MEGF11: variants seen among roughly 807,000 people sequenced by gnomAD.
MEGF11 encodes the protein multiple epidermal growth factor-like domains protein 11.
MEGF11 carries 126 observed loss-of-function variants against 146.6 expected under a neutral mutation model. That is an observed-to-expected ratio of 0.86 (90% CI 0.74 to 1.00). The LOEUF is 1.00. Among genes scored for constraint, MEGF11 ranks in the 50% least tolerant of loss-of-function variants. The pLI, the probability that MEGF11 is intolerant of heterozygous loss-of-function variation, is 0.00. For missense variants in MEGF11, 1,509 were observed against 1,521.2 expected (o/e 0.99, Z 0.13); for synonymous variants, 532 against 583.4 (o/e 0.91, Z 1.27).
intron 4 of MEGF11, among the ~76,000 whole-genome samples, chr15:66,095,193 C>T (rs901678099): frequency 2.0e-5 from 3 of 152,242 alleles, no homozygotes; most frequent in Non-Finnish European, 4.4e-5. Flanking sequence ...CAGTTTGCCT[C>T]AACCACTCTG....
chr15:65,934,539 C>G (rs1395646182), intron 10 of MEGF11, among the ~76,000 whole-genome samples: 1 of 152,102 alleles, frequency 6.6e-6, no homozygotes, highest in Non-Finnish European at 1.5e-5. Flanking sequence ...GTGTGAGCCA[C>G]TGCACCTGGC....
chr15:65,971,762 T>C (rs333559), intron 7 of MEGF11, among the ~76,000 whole-genome samples: 115,691 of 152,032 alleles, frequency 0.76, 44,848 homozygotes, highest in Middle Eastern at 0.86. Flanking sequence ...CTGTAAAACA[T>C]GAACAGATGG....
intron 4 of MEGF11, among the ~76,000 whole-genome samples, chr15:66,117,143 G>A (rs527468739): frequency 6.6e-6 from 1 of 152,304 alleles, no homozygotes; most frequent in Admixed American, 6.5e-5. Flanking sequence ...CATGTGGCAG[G>A]TGCTGGGAAG....
rs569762549 is a variant in MEGF11, at chr15:66,027,421, A to G, written c.395-44933T>C. On this transcript the variant is annotated intron_variant, in intron 5 of 25. Transcript: ENST00000395614. ...CATCCCTCACAGACAGGGGCCTATG[A>G]TAAGGCAGGGCCACCTGAAACTCAT... Among the ~76,000 whole-genome samples, 12 of 152,356 alleles carry G rather than the reference A, an allele frequency of 7.9e-5. No individual in the cohort carries two copies. In the South Asian group the frequency reaches 2.3e-3, roughly 29 times the overall value.
intron 1 of MEGF11, among the ~76,000 whole-genome samples, chr15:66,201,343 G>A (rs1409442366): frequency 1.1e-4 from 16 of 152,114 alleles, no homozygotes; most frequent in Non-Finnish European, 2.4e-4. Flanking sequence ...TGGAGAGGCT[G>A]TTTCGAGGCT....
chr15:66,035,994 G>A (rs758471511), intron 5 of MEGF11, among the ~76,000 whole-genome samples: 4 of 152,188 alleles, frequency 2.6e-5, no homozygotes, highest in Non-Finnish European at 5.9e-5. Context: ...AGAGCACCCC[G>A]CCAGTGGCCC....
rs138621628 is a variant in MEGF11, at chr15:66,146,728, G to A, written c.-8-18317C>T. 2.3e-3 allele frequency among the ~76,000 whole-genome samples: 353 copies of A among 152,370 alleles called. 2 individuals are homozygous for A. Among genetic ancestry groups the A allele is most frequent in the African/African-American group, 8.2e-3 (339 of 41,594 alleles). ...TCTCACTGTGGACAGCGGCCTGTGC[G>A]CTGGCATCAGTCCACGGAGGCACAC... On this transcript the variant is annotated intron_variant, in intron 1 of 25. Transcript: ENST00000395614.
chr15:66,019,751 T>TA (rs2083038298), intron 5 of MEGF11, among the ~76,000 whole-genome samples: 1 of 152,252 alleles, frequency 6.6e-6, no homozygotes, highest in Non-Finnish European at 1.5e-5. Context: ...CTCCTCATCT[T>TA]ACGACATTCT....
chr15:66,234,972 G>A (rs1278021175), intron 1 of MEGF11, among the ~76,000 whole-genome samples: 1 of 152,032 alleles, frequency 6.6e-6, no homozygotes, highest in Admixed American at 6.5e-5. Flanking sequence ...TCATTTCACT[G>A]TCCTCATCCC....
At chr15:65,992,439 G>A (rs1366525339) in intron 5 of MEGF11, among the ~76,000 whole-genome samples, 1 of 39,598 alleles carries the variant, frequency 2.5e-5, no homozygotes, top group Non-Finnish European at 6.8e-5. Context: ...TTGTGCCTCT[G>A]TGTGTGTGTG....
chr15:66,105,452 A>G (rs2087022769), intron 4 of MEGF11, among the ~76,000 whole-genome samples: 1 of 152,210 alleles, frequency 6.6e-6, no homozygotes, highest in South Asian at 2.1e-4. Flanking sequence ...AGAACAAAGC[A>G]TTGGTCTCCC....
chr15:66,213,581 CT>C (rs10572080), intron 1 of MEGF11, among the ~76,000 whole-genome samples: 30,384 of 142,490 alleles, frequency 0.21, 4,303 homozygotes, highest in African/African-American at 0.43. Context: ...CATCCAGAAA[CT>C]TTTTTTTTTT....
chr15:66,106,435 C>T (rs1243050523), intron 4 of MEGF11, among the ~76,000 whole-genome samples: 8 of 152,132 alleles, frequency 5.3e-5, no homozygotes, highest in Admixed American at 2.0e-4. Context: ...CAATAATAAA[C>T]GCCATCACTT....
chr15:66,162,059 T>C (rs899259477), intron 1 of MEGF11, among the ~76,000 whole-genome samples: 4 of 152,124 alleles, frequency 2.6e-5, no homozygotes, highest in Non-Finnish European at 5.9e-5. Flanking sequence ...ACGGAATTGA[T>C]CCTATGACAC....
chr15:66,228,844 G>T (rs935766271), intron 1 of MEGF11, among the ~76,000 whole-genome samples: 2 of 152,088 alleles, frequency 1.3e-5, no homozygotes, highest in African/African-American at 4.8e-5. Context: ...CACGCCACAG[G>T]ATGTCCCAGA....
At chr15:65,928,031 T>C (rs1227961523) in intron 13 of MEGF11, among the ~76,000 whole-genome samples, 2 of 152,062 alleles carry the variant, frequency 1.3e-5, no homozygotes, top group Non-Finnish European at 2.9e-5. Context: ...GGCAGTGGGA[T>C]GGAGAGAAGT....
At chr15:65,998,209 A>C (rs1043709742) in intron 5 of MEGF11, among the ~76,000 whole-genome samples, 2 of 152,204 alleles carry the variant, frequency 1.3e-5, no homozygotes, top group Non-Finnish European at 1.5e-5. Flanking sequence ...ACCCTGGTCT[A>C]AGAGGGAGAC....
At chr15:65,987,417 G>A (rs987943765) in intron 5 of MEGF11, among the ~76,000 whole-genome samples, 3 of 152,174 alleles carry the variant, frequency 2.0e-5, no homozygotes, top group African/African-American at 7.2e-5. Context: ...TAGGTCCTAG[G>A]TTTTCCACGA....
intron 4 of MEGF11, among the ~76,000 whole-genome samples, chr15:66,111,149 T>C (rs1341041222): frequency 6.6e-6 from 1 of 152,190 alleles, no homozygotes; most frequent in Admixed American, 6.5e-5. Flanking sequence ...AAAAGGGCAG[T>C]AACAATAATG....
Sources: allele counts gnomAD v4.1 joint callset (sites outside exome capture counted in the v4.1 genomes callset), GRCh38; gene constraint gnomAD v4.1.1; transcripts MANE v1.5; gene names NCBI Gene and HGNC (gene_info 2026-07-23, HGNC 2026-07-21).